Variants in FHIP1A observed in about 807,000 individuals in gnomAD.
FHIP1A encodes the protein FHF complex subunit HOOK-interacting protein 1A.
FHIP1A carries 61 observed loss-of-function variants against 88.6 expected under a neutral mutation model. The ratio of observed to expected loss-of-function variants is 0.69; its 90% CI spans 0.56 to 0.85. The LOEUF is 0.85. Among genes scored for constraint, FHIP1A ranks in the 40% least tolerant of loss-of-function variants. The pLI is 0.00. For missense variants in FHIP1A, 1,154 were observed against 1,273.5 expected, an observed-to-expected ratio of 0.91 and a Z score of 1.43; for synonymous variants, 478 against 496.0, an observed-to-expected ratio of 0.96 and a Z score of 0.48.
In FHIP1A at chr4:151,600,112, G is replaced by A. The variant is rs114484259; in HGVS notation, c.978+11186G>A. Among the ~76,000 whole-genome samples, 1,137 of 152,300 alleles carry A rather than the reference G, an allele frequency of 7.5e-3. 8 individuals are homozygous for A. Among genetic ancestry groups the A allele is most frequent in the South Asian group, 0.029 (138 of 4,822 alleles). ...TCACTGCATCTTGATTGTGGGTTGA[G>A]CAATTTGTAGCTAGCTTTTCTCCAT... On this transcript the variant is annotated intron_variant, in intron 7 of 13. Coordinates refer to ENST00000435205, the MANE Select transcript of FHIP1A (RefSeq NM_001109977.3).
intron 8 of FHIP1A, among the ~76,000 whole-genome samples, chr4:151,630,774 C>T (rs184807905): frequency 2.6e-5 from 4 of 152,302 alleles, no homozygotes; most frequent in Admixed American, 2.6e-4. Context: ...TAACAAGCCT[C>T]AGTGAATTTA....
chr4:151,513,448 A>C (rs1731110238), intron 3 of FHIP1A, among the ~76,000 whole-genome samples: 1 of 152,232 alleles, frequency 6.6e-6, no homozygotes, highest in Admixed American at 6.5e-5. Context: ...ATTCACATAT[A>C]ACTATATTAA....
chr4:151,656,769 T>G lies in FHIP1A; in HGVS notation c.2740T>G (p.Ser914Ala), dbSNP rs1266465006. 4 of 1,551,158 alleles carry G rather than the reference T, an allele frequency of 2.6e-6. No individual in the cohort carries two copies. The highest frequency in any genetic ancestry group is 3.5e-6 in the Non-Finnish European group (4 of 1,146,818). Residue 914 changes from serine (S) to alanine (A), a missense_variant, in exon 13 of 14, where the codon TCT (serine) becomes GCT (alanine). Coordinates refer to ENST00000435205, the MANE Select transcript of FHIP1A (RefSeq NM_001109977.3). The surrounding 1 kb of genome is among the most constrained non-coding windows in gnomAD (Gnocchi z 4.2). ...ATGCTGTTTTTGACAGGTCCTTGCATCTGTGAAAAACAAGATTGAACAGTT... is the reference window on the plus strand; with the variant it reads ...ATGCTGTTTTTGACAGGTCCTTGCAGCTGTGAAAAACAAGATTGAACAGTT... Reference protein sequence around the residue: ...SVRSLYQVLASVKNKIEQFAS... With the variant: ...SVRSLYQVLAAVKNKIEQFAS...
At chr4:151,479,684 C>T (rs1015382585) in intron 2 of FHIP1A, among the ~76,000 whole-genome samples, 1 of 152,100 alleles carries the variant, frequency 6.6e-6, no homozygotes, top group South Asian at 2.1e-4. Flanking sequence ...TGCACCCCAC[C>T]CACATTTGTT....
chr4:151,562,858 A>G (rs898423020), intron 3 of FHIP1A, among the ~76,000 whole-genome samples: 3 of 152,162 alleles, frequency 2.0e-5, no homozygotes, highest in African/African-American at 7.2e-5. Flanking sequence ...TTTACACTGG[A>G]AAAAGTGAAG....
intron 1 of FHIP1A, among the ~76,000 whole-genome samples, chr4:151,446,959 A>C (rs1728632849): frequency 6.6e-6 from 1 of 152,168 alleles, no homozygotes; most frequent in Non-Finnish European, 1.5e-5. Flanking sequence ...TAGTTAACAC[A>C]TTTATGAAAT....
At chr4:151,626,624 T>C (rs1735961395) in intron 7 of FHIP1A, among the ~76,000 whole-genome samples, 1 of 152,246 alleles carries the variant, frequency 6.6e-6, no homozygotes. Flanking sequence ...AACTTTATTA[T>C]TGCGTATGAT....
chr4:151,483,810 C>T (rs1026814083), intron 3 of FHIP1A, among the ~76,000 whole-genome samples: 5 of 152,092 alleles, frequency 3.3e-5, no homozygotes, highest in African/African-American at 9.7e-5. Flanking sequence ...GTTTAAGATA[C>T]GGAACAGAAA....
At chr4:151,526,586 G>A (rs1403980643) in intron 3 of FHIP1A, among the ~76,000 whole-genome samples, 146 of 134,826 alleles carry the variant, frequency 1.1e-3, no homozygotes, top group Admixed American at 1.4e-3. Context: ...CTCACCTCCC[G>A]GACGGGGCGG....
chr4:151,427,072 G>T (rs922150625), intron 1 of FHIP1A, among the ~76,000 whole-genome samples: 2 of 152,022 alleles, frequency 1.3e-5, no homozygotes, highest in African/African-American at 2.4e-5. Flanking sequence ...TGACTATCCA[G>T]ATCCTGTTAT....
At chr4:151,468,178 C>CG (rs1442203116) in intron 2 of FHIP1A, among the ~76,000 whole-genome samples, 3 of 148,794 alleles carry the variant, frequency 2.0e-5, no homozygotes, top group African/African-American at 7.5e-5. Context: ...CCAGCTACTC[C>CG]GGCGGCTGAG....
intron 3 of FHIP1A, among the ~76,000 whole-genome samples, chr4:151,545,434 A>G (rs112267523): frequency 2.2e-5 from 3 of 137,820 alleles, no homozygotes; most frequent in African/African-American, 8.5e-5. Flanking sequence ...CTGGAATGCA[A>G]TGGCATGATC....
At chr4:151,530,535 A>C (rs1015068257) in intron 3 of FHIP1A, among the ~76,000 whole-genome samples, 1 of 152,190 alleles carries the variant, frequency 6.6e-6, no homozygotes, top group Non-Finnish European at 1.5e-5. Context: ...GTTTTCTGTA[A>C]CCTGTTTAGG....
chr4:151,637,333 A>C (rs1736392058), intron 8 of FHIP1A, among the ~76,000 whole-genome samples: 1 of 152,164 alleles, frequency 6.6e-6, no homozygotes, highest in Non-Finnish European at 1.5e-5. Flanking sequence ...CAAAATTAAA[A>C]ACTTTTGCCT....
At chr4:151,582,401 C>T (rs1439119218) in intron 5 of FHIP1A, among the ~76,000 whole-genome samples, 1 of 150,794 alleles carries the variant, frequency 6.6e-6, no homozygotes, top group Non-Finnish European at 1.5e-5. Flanking sequence ...GGAAACATTT[C>T]TGTGCGTAAA....
Position 151,649,776 on chromosome 4 carries a change from T to A in FHIP1A, c.1735T>A (p.Trp579Arg). 3 of 1,551,598 alleles carry A rather than the reference T, an allele frequency of 1.9e-6. No homozygotes were observed. Among genetic ancestry groups the A allele is most frequent in the Non-Finnish European group, 2.6e-6 (3 of 1,146,950 alleles). Residue 579 changes from tryptophan to arginine, a missense_variant, in exon 11 of 14, where the codon TGG (tryptophan) becomes AGG (arginine). Coordinates refer to ENST00000435205, the MANE Select transcript of FHIP1A (RefSeq NM_001109977.3). ...RKDKSQTELE[W>R]DDSYDTGISS... The stretch of plus-strand genomic sequence containing the variant: ...GGACAAGAGCCAGACAGAGCTGGAA[T>A]GGGATGACAGCTATGACACTGGAAT...
intron 2 of FHIP1A, among the ~76,000 whole-genome samples, chr4:151,462,527 T>C (rs931805158): frequency 1.3e-5 from 2 of 152,230 alleles, no homozygotes; most frequent in African/African-American, 2.4e-5. Flanking sequence ...GTATGTTACA[T>C]AACTCAAAGA....
chr4:151,420,427 C>G (rs1473605362), intron 1 of FHIP1A, among the ~76,000 whole-genome samples: 1 of 152,170 alleles, frequency 6.6e-6, no homozygotes, highest in Non-Finnish European at 1.5e-5. Flanking sequence ...TGAACACACC[C>G]TACCTCTTCC....
chr4:151,653,910 T>A (rs974851938), intron 11 of FHIP1A, among the ~76,000 whole-genome samples: 2 of 152,050 alleles, frequency 1.3e-5, no homozygotes, highest in Non-Finnish European at 2.9e-5. Context: ...TTTTGAAGAA[T>A]GTAATACTTT....
Sources: allele counts gnomAD v4.1 joint callset (sites outside exome capture counted in the v4.1 genomes callset), GRCh38; gene constraint gnomAD v4.1.1; non-coding constraint Gnocchi (gnomAD v3.1); transcripts MANE v1.5; gene names NCBI Gene and HGNC (gene_info 2026-07-23, HGNC 2026-07-21).